The following ATF7 variants were observed in gnomAD, a reference collection of about 807,000 sequenced individuals.
ATF7 encodes the protein cyclic AMP-dependent transcription factor ATF-7.
A neutral mutation model predicts 50.4 loss-of-function variants in ATF7; 10 were observed. That is an observed-to-expected ratio of 0.20 (90% CI 0.12 to 0.34). ATF7 has a LOEUF of 0.34. ATF7 is among the 10% of genes least tolerant of loss of function. The pLI, the probability that ATF7 is intolerant of heterozygous loss-of-function variation, is 1.00. For synonymous variants in ATF7, 201 were observed against 226.4 expected (o/e 0.89, Z 1.01); for missense variants, 465 against 613.9 (o/e 0.76, Z 2.56).
At chr12:53,544,687 G>A (rs1234494784) in intron 3 of ATF7, among the ~76,000 whole-genome samples, 1 of 152,088 alleles carries the variant, frequency 6.6e-6, no homozygotes, top group Non-Finnish European at 1.5e-5. Flanking sequence ...GGTGGAGGTT[G>A]CAGTAAGCCG....
At chr12:53,537,302 C>A in intron 5 of ATF7, 113 bp downstream of exon 5, 1 of 1,332,646 alleles carries the variant, frequency 7.5e-7, no homozygotes, top group South Asian at 1.5e-5. Flanking sequence ...TTTCTGGGCT[C>A]AAGTGATTCT....
chr12:53,608,200 T>C (rs142886025), intron 1 of ATF7, among the ~76,000 whole-genome samples: 4,535 of 121,602 alleles, frequency 0.037, 249 homozygotes, highest in African/African-American at 0.13. Context: ...AGCCTGGTGA[T>C]AGAACAAGAC....
intron 9 of ATF7, among the ~76,000 whole-genome samples, chr12:53,531,519 T>G (rs1938890284): frequency 6.6e-6 from 1 of 151,616 alleles, no homozygotes; most frequent in Non-Finnish European, 1.5e-5. Flanking sequence ...TAAAGAATGG[T>G]GTGTTTTTGT....
At chr12:53,624,662 G>A (rs997021576) in intron 1 of ATF7, among the ~76,000 whole-genome samples, 1 of 152,204 alleles carries the variant, frequency 6.6e-6, no homozygotes, top group South Asian at 2.1e-4. Flanking sequence ...ACTTCCATGT[G>A]TAAGTACAAA....
At chr12:53,594,800 A>C (rs1179371429) in intron 2 of ATF7, among the ~76,000 whole-genome samples, 4 of 151,908 alleles carry the variant, frequency 2.6e-5, no homozygotes, top group African/African-American at 7.3e-5. Context: ...AGGCAGGAGA[A>C]TCGCTTGAAC....
chr12:53,595,934 G>A (rs1309762713), intron 2 of ATF7, among the ~76,000 whole-genome samples: 1 of 151,870 alleles, frequency 6.6e-6, no homozygotes, highest in African/African-American at 2.4e-5. Flanking sequence ...GATCTCTCCA[G>A]GCAAAAAAAG....
Position 53,519,688 on chromosome 12 carries a change from G to A in ATF7, c.1235-2334C>T, listed in dbSNP as rs920140608. Among the ~76,000 whole-genome samples, 10 of 152,140 alleles carry A rather than the reference G, an allele frequency of 6.6e-5. 1 individual carries two copies. The highest frequency in any genetic ancestry group is 6.3e-3 in the Middle Eastern group (2 of 316). On this transcript the variant is annotated intron_variant, in intron 11 of 11. Coordinates refer to ENST00000420353, the MANE Select transcript of ATF7 (RefSeq NM_006856.3). Reference sequence around the variant, plus strand: ...GCAGGGACTAAGTGGAAAACTGACCGTATATAGATTATATACTGATAAACA... The same window carrying A: ...GCAGGGACTAAGTGGAAAACTGACCATATATAGATTATATACTGATAAACA...
rs1937642854 is a variant in ATF7 at position 53,515,321 on chromosome 12, T to C, written c.*1816A>G. ...CTTAGAACATTTTCTCATTCCCCTGTGACAGTCAATTTTGGAGACAAAATA... is the reference window on the plus strand; with the variant it reads ...CTTAGAACATTTTCTCATTCCCCTGCGACAGTCAATTTTGGAGACAAAATA... On this transcript the variant is annotated 3_prime_UTR_variant, in exon 12 of 12. Transcript: ENST00000420353. The C allele has an allele frequency of 6.6e-6, 1 of 152,226 alleles. No individual in the cohort carries two copies. The highest frequency in any genetic ancestry group is 1.5e-5 in the Non-Finnish European group (1 of 68,050). 9.4% of individuals were successfully genotyped at this position (152,226 alleles called of 1,614,324 possible).
At chr12:53,579,309 C>T (rs1197262184) in intron 2 of ATF7, among the ~76,000 whole-genome samples, 4 of 151,548 alleles carry the variant, frequency 2.6e-5, no homozygotes, top group South Asian at 2.1e-4. Context: ...CCAAGGCGGG[C>T]AGTTCACAAG....
Position 53,512,320 on chromosome 12 carries a change from T to C in ATF7, c.*4817A>G, listed in dbSNP as rs1468263448. ...GACAGTTTTGTAACAAAAAACAAAA[T>C]AGCCTGCAGCACTGCATCCTCCTAC... is the stretch of plus-strand genomic sequence containing the variant. On this transcript the variant is annotated 3_prime_UTR_variant, in exon 12 of 12. Coordinates refer to ENST00000420353, the MANE Select transcript of ATF7 (RefSeq NM_006856.3). 6.6e-6 allele frequency: 1 copy of C among 152,090 alleles called. No individual in the cohort carries two copies. The highest frequency in any genetic ancestry group is 1.5e-5 in the Non-Finnish European group (1 of 68,010). The allele number at this position is 152,090 out of a possible 1,614,324, so 9.4% of individuals were successfully genotyped here.
chr12:53,586,729 G>A (rs568431950), intron 2 of ATF7, among the ~76,000 whole-genome samples: 25 of 152,222 alleles, frequency 1.6e-4, no homozygotes, highest in Admixed American at 7.8e-4. Flanking sequence ...CTGCTGCCCT[G>A]AACCACTTTT....
Position 53,517,094 on chromosome 12 carries a change from G to C in ATF7, c.*43C>G. ...AAGATGACATCTCTCTTGGCTCTTG[G>C]GCGGGCGAGCTCTGGCTGAGGACCT... On this transcript the variant is annotated 3_prime_UTR_variant, in exon 12 of 12. Coordinates refer to ENST00000420353, the MANE Select transcript of ATF7 (RefSeq NM_006856.3). 1 of 1,592,934 alleles carries C rather than the reference G, an allele frequency of 6.3e-7. No homozygotes were observed. Among genetic ancestry groups the C allele is most frequent in the Middle Eastern group, 1.8e-4 (1 of 5,666 alleles).
chr12:53,606,465 C>T (rs924428398), intron 1 of ATF7, among the ~76,000 whole-genome samples: 23 of 152,114 alleles, frequency 1.5e-4, no homozygotes, highest in Admixed American at 1.0e-3. Context: ...TCAGGCTGGT[C>T]TCCAACTCCA....
intron 1 of ATF7, among the ~76,000 whole-genome samples, chr12:53,620,575 CAAAAAAA>C (rs34516346): frequency 4.0e-5 from 3 of 75,772 alleles, no homozygotes; most frequent in South Asian, 4.6e-4. Flanking sequence ...GACTCCGTCT[CAAAAAAA>C]AAAAAAAAAA....
downstream of ATF7, among the ~76,000 whole-genome samples, chr12:53,510,799 G>C (rs1033326031): frequency 2.0e-5 from 3 of 152,124 alleles, no homozygotes; most frequent in African/African-American, 7.2e-5. Context: ...TTTGAAGTTG[G>C]AATGGGTTGA....
At chr12:53,525,591 G>A (rs1017551651) in intron 9 of ATF7, among the ~76,000 whole-genome samples, 7 of 152,136 alleles carry the variant, frequency 4.6e-5, no homozygotes, top group African/African-American at 1.7e-4. Flanking sequence ...ATAGATAAGT[G>A]TATTATTTTT....
chr12:53,607,164 T>TTTA (rs1325286259), intron 1 of ATF7, among the ~76,000 whole-genome samples: 4 of 152,162 alleles, frequency 2.6e-5, no homozygotes, highest in Non-Finnish European at 5.9e-5. Context: ...GTTGAACTAG[T>TTTA]TTACAGTCCC....
intron 1 of ATF7, among the ~76,000 whole-genome samples, chr12:53,610,866 C>T (rs1462967219): frequency 5.9e-5 from 9 of 152,106 alleles, no homozygotes; most frequent in Non-Finnish European, 2.9e-5. Context: ...GTCTCGCTGT[C>T]ACCCAGGCTG....
At chr12:53,591,960 C>T (rs148407066) in intron 2 of ATF7, among the ~76,000 whole-genome samples, 1 of 152,236 alleles carries the variant, frequency 6.6e-6, no homozygotes, top group East Asian at 1.9e-4. Flanking sequence ...CCTTTCAATC[C>T]AGGGAATTGC....
Sources: allele counts gnomAD v4.1 joint callset (sites outside exome capture counted in the v4.1 genomes callset), GRCh38; gene constraint gnomAD v4.1.1; transcripts MANE v1.5; gene names NCBI Gene and HGNC (gene_info 2026-07-23, HGNC 2026-07-21).